STXBP6: variants seen among roughly 807,000 people sequenced by gnomAD.
The protein encoded by STXBP6 is syntaxin-binding protein 6.
A neutral mutation model predicts 26.9 loss-of-function variants in STXBP6; 21 were observed. The ratio of observed to expected loss-of-function variants is 0.78; its 90% CI spans 0.55 to 1.12. The LOEUF (loss-of-function observed/expected upper bound fraction) is 1.12, where lower values mean the gene tolerates loss of function less well. Among genes scored for constraint, STXBP6 ranks in the 50% most tolerant of loss-of-function variants. The probability of loss-of-function intolerance (pLI) is 0.00; values close to 1 mark genes in which losing one functional copy is unlikely to be tolerated. For synonymous variants in STXBP6, 97 were observed against 92.6 expected (o/e 1.05, Z -0.27); for missense variants, 232 against 257.9 (o/e 0.90, Z 0.69).
chr14:24,956,898 T>C (rs1479883126), intron 2 of STXBP6, among the ~76,000 whole-genome samples: 1 of 152,158 alleles, frequency 6.6e-6, no homozygotes, highest in Non-Finnish European at 1.5e-5. Context: ...CTCTGTGTTC[T>C]TCACTTGAAC....
chr14:24,875,045 C>A (rs1209855989), intron 2 of STXBP6, among the ~76,000 whole-genome samples: 9 of 152,192 alleles, frequency 5.9e-5, no homozygotes. Context: ...GAGAATGAAC[C>A]TTGTACCCAT....
At chr14:24,891,855 GA>G (rs1409862809) in intron 2 of STXBP6, among the ~76,000 whole-genome samples, 1 of 152,118 alleles carries the variant, frequency 6.6e-6, no homozygotes, top group Non-Finnish European at 1.5e-5. Context: ...TCTTCCATCT[GA>G]TTATCCTGGT....
intron 2 of STXBP6, among the ~76,000 whole-genome samples, chr14:24,884,302 G>A (rs990032484): frequency 1.6e-4 from 25 of 152,016 alleles, no homozygotes; most frequent in Admixed American, 1.0e-3. Context: ...AAAGAGTTTT[G>A]GTTAAAATGA....
intron 1 of STXBP6, among the ~76,000 whole-genome samples, chr14:25,042,410 T>C (rs1453799058): frequency 6.6e-6 from 1 of 152,198 alleles, no homozygotes; most frequent in Middle Eastern, 3.2e-3. Context: ...ATCCCAGTCA[T>C]GTATTTTGTT....
chr14:25,043,369 T>C (rs1340557276), intron 1 of STXBP6, among the ~76,000 whole-genome samples: 3 of 152,030 alleles, frequency 2.0e-5, no homozygotes, highest in Admixed American at 6.5e-5. Flanking sequence ...ATTTCTGGAG[T>C]TGTCTCATCA....
intron 2 of STXBP6, among the ~76,000 whole-genome samples, chr14:24,933,504 T>C (rs986578403): frequency 2.0e-5 from 3 of 152,228 alleles, no homozygotes; most frequent in Non-Finnish European, 4.4e-5. Flanking sequence ...ACACAATTTC[T>C]GCATGTACTG....
chr14:24,817,203 C>T (rs1472815375), intron 5 of STXBP6: 1 of 152,144 alleles, frequency 6.6e-6, no homozygotes, highest in African/African-American at 2.4e-5. Flanking sequence ...CAAACTTGGC[C>T]ACAGTATCAG....
At chr14:25,008,082 G>A (rs2074944317) in intron 1 of STXBP6, among the ~76,000 whole-genome samples, 3 of 152,174 alleles carry the variant, frequency 2.0e-5, no homozygotes, top group Admixed American at 2.0e-4. Flanking sequence ...ATGAGGATAG[G>A]AAATTCCTTT....
intron 2 of STXBP6, among the ~76,000 whole-genome samples, chr14:24,973,248 G>A (rs191157205): frequency 7.2e-5 from 11 of 152,124 alleles, no homozygotes; most frequent in Admixed American, 2.6e-4. Context: ...ACTGCTTAGC[G>A]CACTAAAGAA....
intron 2 of STXBP6, among the ~76,000 whole-genome samples, chr14:24,920,416 A>G (rs1038685048): frequency 2.6e-5 from 4 of 152,054 alleles, no homozygotes; most frequent in African/African-American, 9.7e-5. Flanking sequence ...GATCAACAGA[A>G]TATTTCTCTT....
intron 1 of STXBP6, among the ~76,000 whole-genome samples, chr14:25,030,893 T>C (rs1189207208): frequency 6.7e-6 from 1 of 150,206 alleles, no homozygotes; most frequent in Non-Finnish European, 1.5e-5. Context: ...ATTAGACACA[T>C]CCCGATTTCC....
rs1479670932 is a variant in STXBP6 at position 24,811,457 on chromosome 14, T to A, written c.*1252A>T. ...TTCACAAAAAAAGCACAGCTTTTTTTATGTTTAGCATTTTAACCCTCTAGG... is the reference window on the plus strand; with the variant it reads ...TTCACAAAAAAAGCACAGCTTTTTTAATGTTTAGCATTTTAACCCTCTAGG... On this transcript the variant is annotated 3_prime_UTR_variant, in exon 6 of 6. Transcript: ENST00000323944. 1 of 152,188 alleles carries A rather than the reference T, an allele frequency of 6.6e-6. No homozygotes were observed. The highest frequency in any genetic ancestry group is 1.5e-5 in the Non-Finnish European group (1 of 68,028). 9.4% of individuals were successfully genotyped at this position (152,188 alleles called of 1,614,324 possible). A position where few individuals can be genotyped will look rare whatever the true frequency, so the allele number is the denominator to read the frequency against.
intron 2 of STXBP6, among the ~76,000 whole-genome samples, chr14:24,895,998 AAGAAG>A (rs1390851277): frequency 6.6e-6 from 1 of 152,232 alleles, no homozygotes; most frequent in African/African-American, 2.4e-5. Context: ...AGACACCAAA[AAGAAG>A]AGTGTGGGGT....
chr14:24,914,221 C>T (rs1302074532), intron 2 of STXBP6, among the ~76,000 whole-genome samples: 1 of 152,042 alleles, frequency 6.6e-6, no homozygotes, highest in Non-Finnish European at 1.5e-5. Context: ...AAGTTTTGGT[C>T]ACAAGATATA....
At chr14:25,024,505 C>G (rs536209236) in intron 1 of STXBP6, among the ~76,000 whole-genome samples, 3 of 152,176 alleles carry the variant, frequency 2.0e-5, no homozygotes, top group East Asian at 3.9e-4. Flanking sequence ...TGTTTTTCCA[C>G]CAGTCCAGCT....
intron 5 of STXBP6, chr14:24,817,027 C>T (rs946953907): frequency 1.3e-5 from 2 of 152,162 alleles, no homozygotes; most frequent in African/African-American, 4.8e-5. Context: ...CACTCTAGTA[C>T]GTAGGTACTA....
chr14:24,930,592 G>A (rs2072348759), intron 2 of STXBP6, among the ~76,000 whole-genome samples: 1 of 152,146 alleles, frequency 6.6e-6, no homozygotes, highest in Non-Finnish European at 1.5e-5. Context: ...AAAGGCCTAT[G>A]GAGGTGTTCT....
chr14:24,934,801 ACT>A (rs1467615178), intron 2 of STXBP6, among the ~76,000 whole-genome samples: 1 of 152,094 alleles, frequency 6.6e-6, no homozygotes, highest in Non-Finnish European at 1.5e-5. Context: ...CAATAAAGTC[ACT>A]CTCTAAAACA....
intron 4 of STXBP6, among the ~76,000 whole-genome samples, chr14:24,852,524 C>T (rs1007704677): frequency 4.6e-5 from 7 of 152,022 alleles, no homozygotes; most frequent in African/African-American, 1.7e-4. Context: ...CTGTAGGCGG[C>T]TAGGGCTGCA....
Sources: allele counts gnomAD v4.1 joint callset (sites outside exome capture counted in the v4.1 genomes callset), GRCh38; gene constraint gnomAD v4.1.1; transcripts MANE v1.5; gene names NCBI Gene and HGNC (gene_info 2026-07-23, HGNC 2026-07-21).